TMEM272: variants seen among roughly 807,000 people sequenced by gnomAD.
The protein encoded by TMEM272 is long intergenic non-protein coding RNA 282.
TMEM272 carries 8 observed loss-of-function variants against 3.7 expected under a neutral mutation model. That is an observed-to-expected ratio of 2.17 (90% confidence interval 1.27 to 3.91). The LOEUF (loss-of-function observed/expected upper bound fraction) is 3.91, where lower values mean the gene tolerates loss of function less well. Among genes scored for constraint, TMEM272 ranks in the 30% most tolerant of loss-of-function variants. The pLI is 0.00. For missense variants in TMEM272, 166 were observed against 91.5 expected (o/e 1.81, Z -3.32); for synonymous variants, 63 against 39.8 (o/e 1.58, Z -2.20).
chr13:51,919,778 G>A, the TMEM272 span, among the ~76,000 whole-genome samples: 1 of 152,238 alleles, frequency 6.6e-6, no homozygotes, highest in South Asian at 2.1e-4. Flanking sequence ...ACCTGCGTGA[G>A]CATGTCGCTC....
At chr13:51,878,004 G>A in the TMEM272 span, among the ~76,000 whole-genome samples, 1 of 152,292 alleles carries the variant, frequency 6.6e-6, no homozygotes, top group Non-Finnish European at 1.5e-5. Flanking sequence ...CGGTTCCGCG[G>A]GGCTGAAGAG....
chr13:51,932,660 A>G, the TMEM272 span: 1 of 152,252 alleles, frequency 6.6e-6, no homozygotes, highest in Non-Finnish European at 1.5e-5. Flanking sequence ...CATCTCACTC[A>G]CAGGCAGATT....
chr13:51,866,051 TTGC>T, the TMEM272 span: 1 of 1,592,344 alleles, frequency 6.3e-7, no homozygotes. Flanking sequence ...AGGGCAGCGC[TTGC>T]TGGCCTTCTC....
chr13:51,932,855 C>T, the TMEM272 span: 19 of 151,964 alleles, frequency 1.3e-4, no homozygotes, highest in Non-Finnish European at 2.1e-4. Context: ...TTTTAAAAAT[C>T]AACAGAATTA....
chr13:51,820,745 A>C (rs1484609740), intron 4 of TMEM272, among the ~76,000 whole-genome samples: 1 of 152,166 alleles, frequency 6.6e-6, no homozygotes, highest in Non-Finnish European at 1.5e-5. Flanking sequence ...GCCTTCCCTT[A>C]ACACTGTGGG....
the TMEM272 span, among the ~76,000 whole-genome samples, chr13:51,919,158 AT>A: frequency 3.7e-3 from 559 of 152,288 alleles, 6 homozygotes; most frequent in African/African-American, 0.013. Context: ...CAGCCCACTG[AT>A]TCACCTGAGC....
chr13:51,842,808 A>G (rs1262395116), intron 1 of TMEM272, among the ~76,000 whole-genome samples: 3 of 152,240 alleles, frequency 2.0e-5, no homozygotes, highest in Non-Finnish European at 2.9e-5. Context: ...AGAGTACGCT[A>G]TATCAAACTA....
At chr13:51,923,618 AAAG>A in the TMEM272 span, among the ~76,000 whole-genome samples, 2 of 151,918 alleles carry the variant, frequency 1.3e-5, no homozygotes, top group African/African-American at 2.4e-5. Context: ...CTGCCTGTTC[AAAG>A]AAGAAGAGAG....
the TMEM272 span, chr13:51,930,334 G>C: frequency 6.6e-6 from 1 of 152,124 alleles, no homozygotes; most frequent in Admixed American, 6.6e-5. Context: ...GGATTTCACA[G>C]TATTACTTAG....
chr13:51,916,414 T>C, the TMEM272 span, among the ~76,000 whole-genome samples: 5 of 152,234 alleles, frequency 3.3e-5, no homozygotes, highest in South Asian at 4.1e-4. Flanking sequence ...AGAATAGATA[T>C]GTAAAGGGTT....
At chr13:51,891,624 C>T in the TMEM272 span, among the ~76,000 whole-genome samples, 1 of 152,312 alleles carries the variant, frequency 6.6e-6, no homozygotes, top group Non-Finnish European at 1.5e-5. Context: ...CTTCACTTTC[C>T]CTGCTTTGTG....
upstream of TMEM272, among the ~76,000 whole-genome samples, chr13:51,846,434 G>A (rs1003387441): frequency 3.9e-5 from 6 of 152,198 alleles, no homozygotes; most frequent in African/African-American, 1.4e-4. Flanking sequence ...CTACTGCACT[G>A]CCAATCACAT....
the TMEM272 span, among the ~76,000 whole-genome samples, chr13:51,889,319 C>T: frequency 6.6e-6 from 1 of 152,022 alleles, no homozygotes; most frequent in Non-Finnish European, 1.5e-5. Context: ...AAGCCCTATC[C>T]TCTAAAGTGA....
the TMEM272 span, among the ~76,000 whole-genome samples, chr13:51,859,745 G>T: frequency 6.6e-6 from 1 of 152,038 alleles, no homozygotes; most frequent in Non-Finnish European, 1.5e-5. Context: ...AACAAAACTT[G>T]GGAGTGGAAA....
the TMEM272 span, chr13:51,909,211 G>A: frequency 1.5e-6 from 2 of 1,293,198 alleles, no homozygotes; most frequent in Middle Eastern, 1.9e-4. Flanking sequence ...AAATCATTGA[G>A]GTTTCTTTCA....
At chr13:51,860,396 T>A in the TMEM272 span, among the ~76,000 whole-genome samples, 1 of 152,004 alleles carries the variant, frequency 6.6e-6, no homozygotes, top group Admixed American at 6.5e-5. Context: ...TCCCAACAGT[T>A]TGGGAAGCCG....
At chr13:51,839,523 G>A (rs541647582) in intron 1 of TMEM272, among the ~76,000 whole-genome samples, 2 of 152,196 alleles carry the variant, frequency 1.3e-5, no homozygotes, top group East Asian at 3.9e-4. Context: ...GAGTAGCCGC[G>A]GCTCCATTTA....
At chr13:51,839,211 T>C (rs917748951) in intron 1 of TMEM272, among the ~76,000 whole-genome samples, 2 of 152,140 alleles carry the variant, frequency 1.3e-5, no homozygotes, top group African/African-American at 2.4e-5. Context: ...AGCAAGTTGG[T>C]TGACACTGTG....
intron 1 of TMEM272, among the ~76,000 whole-genome samples, chr13:51,840,721 T>C (rs576302789): frequency 2.1e-4 from 32 of 152,344 alleles, no homozygotes; most frequent in African/African-American, 7.2e-4. Flanking sequence ...TCTTCAGTAA[T>C]GTTTAATGAA....
Sources: gnomAD v4.1 joint callset for allele counts (sites outside exome capture counted in the v4.1 genomes callset) on GRCh38, gnomAD v4.1.1 for gene constraint, MANE v1.5 for transcripts, NCBI Gene and HGNC (gene_info 2026-07-23, HGNC 2026-07-21) for gene names.